CD40: variants seen among roughly 807,000 people sequenced by gnomAD.
CD40 encodes the protein CD40 molecule, also known as tumor necrosis factor receptor superfamily member 5.
In CD40, 19 loss-of-function variants were observed where a neutral mutation model predicts 38.5. The observed-to-expected ratio is 0.49, with a 90% confidence interval of 0.34 to 0.72. The LOEUF (loss-of-function observed/expected upper bound fraction) is 0.72. Ranked by LOEUF, CD40 falls within the 30% of genes least tolerant of loss-of-function variation. The probability of loss-of-function intolerance (pLI) is 0.01; values close to 1 mark genes in which losing one functional copy is unlikely to be tolerated. For missense variants in CD40, 256 were observed against 344.1 expected (o/e 0.74, Z 2.03); for synonymous variants, 130 against 128.7 (o/e 1.01, Z -0.07).
In CD40 at chr20:46,122,326, C is replaced by CACAGAG; in HGVS notation, c.227_228insGAGACA (p.Thr75_His76insGlnArg). Reference sequence around the variant, plus strand: ...TTCCTAGACACCTGGAACAGAGAGACACACTGCCACCAGCACAAATACTGC... The same window carrying CACAGAG: ...TTCCTAGACACCTGGAACAGAGAGACACAGAGACACTGCCACCAGCACAAATACTGC... On this transcript the variant is annotated inframe_insertion, in exon 3 of 9. Coordinates refer to ENST00000372285, the MANE Select transcript of CD40 (RefSeq NM_001250.6). This position sits in a 1 kb window ranked among gnomAD's most constrained non-coding sequence, Gnocchi z 5.0. 1 of 1,614,214 alleles carries CACAGAG rather than the reference C, an allele frequency of 6.2e-7. No homozygotes were observed. The highest frequency in any genetic ancestry group is 8.5e-7 in the Non-Finnish European group (1 of 1,180,042).
intron 5 of CD40, among the ~76,000 whole-genome samples, chr20:46,123,693 C>A (rs538907011): frequency 6.6e-6 from 1 of 152,202 alleles, no homozygotes; most frequent in Non-Finnish European, 1.5e-5. Flanking sequence ...TAGTTTGGGC[C>A]TCATCACTGT....
intron 1 of CD40, among the ~76,000 whole-genome samples, chr20:46,121,269 G>C (rs1206510689): frequency 6.6e-6 from 1 of 152,164 alleles, no homozygotes; most frequent in Non-Finnish European, 1.5e-5. Context: ...TCTGTAAAAT[G>C]AAAGTGTGAG....
At chr20:46,121,500 C>T (rs2085316875) in intron 1 of CD40, among the ~76,000 whole-genome samples, 1 of 152,128 alleles carries the variant, frequency 6.6e-6, no homozygotes, top group Non-Finnish European at 1.5e-5. Context: ...GCTGGAGTCC[C>T]CATATCCTAT....
chr20:46,129,093 A>G lies in CD40; in HGVS notation c.*53A>G, dbSNP rs1422614945. ...CGTGGGCAAACAGGCAGTTGGCCAG[A>G]GAGCCTGGTGCTGCTGCTGCTGTGG... is the stretch of plus-strand genomic sequence containing the variant. On this transcript the variant is annotated 3_prime_UTR_variant, in exon 9 of 9. Coordinates refer to ENST00000372285, the MANE Select transcript of CD40 (RefSeq NM_001250.6). The G allele has an allele frequency of 7.5e-6, 12 of 1,596,718 alleles. No homozygotes were observed. The highest frequency in any genetic ancestry group is 9.4e-6 in the Non-Finnish European group (11 of 1,165,844).
chr20:46,122,178 G>C lies in CD40; in HGVS notation c.131-55G>C. Reference sequence around the variant, plus strand: ...GCCTGGCCTGATCATTGTGTGGTTAGTGTCTGACTCATGGAGTTGGCCAGA... The same window carrying C: ...GCCTGGCCTGATCATTGTGTGGTTACTGTCTGACTCATGGAGTTGGCCAGA... On this transcript the variant is annotated intron_variant, in intron 2 of 8. Transcript: ENST00000372285. This position sits in a 1 kb window ranked among gnomAD's most constrained non-coding sequence, Gnocchi z 5.0. 1 of 1,608,044 alleles carries C rather than the reference G, an allele frequency of 6.2e-7. No homozygotes were observed. The highest frequency in any genetic ancestry group is 8.5e-7 in the Non-Finnish European group (1 of 1,174,540).
Position 46,122,932 on chromosome 20 carries a change from G to C in CD40, c.403+176G>C, listed in dbSNP as rs2085348577. On this transcript the variant is annotated intron_variant, in intron 4 of 8. Coordinates refer to ENST00000372285, the MANE Select transcript of CD40 (RefSeq NM_001250.6). This position sits in a 1 kb window ranked among gnomAD's most constrained non-coding sequence, Gnocchi z 5.0. ...CGGGACCTTGTTCATTCTGCCTTCTGCCATGGGGATCTGCCTTTGAAGGGC... is the reference window on the plus strand; with the variant it reads ...CGGGACCTTGTTCATTCTGCCTTCTCCCATGGGGATCTGCCTTTGAAGGGC... 1 of 937,332 alleles carries C rather than the reference G, an allele frequency of 1.1e-6. No individual in the cohort carries two copies. Among genetic ancestry groups the C allele is most frequent in the African/African-American group, 1.6e-5 (1 of 61,360 alleles). 58.1% of individuals were successfully genotyped at this position (937,332 alleles called of 1,614,324 possible). A position where few individuals can be genotyped will look rare whatever the true frequency, so the allele number is the denominator to read the frequency against.
rs3765457 is a variant in CD40, at chr20:46,128,574, A to G, written c.675+216A>G. 93,111 of 711,102 alleles carry G rather than the reference A, an allele frequency of 0.13. 6,865 individuals carry two copies. The highest frequency in any genetic ancestry group is 0.16 in the Non-Finnish European group (61,973 of 396,700). 44.0% of individuals were successfully genotyped at this position (711,102 alleles called of 1,614,324 possible). A position where few individuals can be genotyped will look rare whatever the true frequency, so the allele number is the denominator to read the frequency against. On this transcript the variant is annotated intron_variant, in intron 8 of 8. Coordinates refer to ENST00000372285, the MANE Select transcript of CD40 (RefSeq NM_001250.6). Reference sequence around the variant, plus strand: ...CCTGGCACCACTGGCAGAGCCTAACACTGGCTGTTCTTCACTCCTTTCCTG... The same window carrying G: ...CCTGGCACCACTGGCAGAGCCTAACGCTGGCTGTTCTTCACTCCTTTCCTG...
At chr20:46,121,055 A>C (rs375428467) in intron 1 of CD40, among the ~76,000 whole-genome samples, 1 of 152,184 alleles carries the variant, frequency 6.6e-6, no homozygotes, top group African/African-American at 2.4e-5. Context: ...ATGGAGCGAG[A>C]CTCTGTCTCA....
chr20:46,121,743 A>G (rs2085321452), intron 1 of CD40, 77 bp from the exon 2 acceptor site: 3 of 1,086,730 alleles, frequency 2.8e-6, no homozygotes, highest in East Asian at 2.4e-5. Context: ...TCTGTCCTGG[A>G]TGACTTTTAC....
chr20:46,126,040 C>T (rs182111191), intron 5 of CD40, among the ~76,000 whole-genome samples: 20 of 152,306 alleles, frequency 1.3e-4, no homozygotes, highest in African/African-American at 4.8e-4. Flanking sequence ...TCTGGAAGAA[C>T]CTTAAACCAG....
rs144466131 is a variant in CD40 at position 46,128,923 on chromosome 20, C to T, written c.717C>T (p.Pro239=). 2.9e-4 allele frequency: 470 copies of T among 1,614,154 alleles called. 1 individual carries two copies. In the African/African-American group the frequency reaches 4.9e-3, roughly 17 times the overall value. The part of the protein sequence containing the change: ...PKQEPQEINF[P]DDLPGSNTAA... ...AGGAACCCCAGGAGATCAATTTTCC[C>T]GACGATCTTCCTGGCTCCAACACTG... is the stretch of plus-strand genomic sequence containing the variant. Residue 239 remains proline, a synonymous_variant, in exon 9 of 9, where the codon CCC becomes CCT. Transcript: ENST00000372285.
intron 5 of CD40, among the ~76,000 whole-genome samples, chr20:46,124,835 C>T (rs1038254624): frequency 7.9e-4 from 106 of 134,060 alleles, no homozygotes; most frequent in African/African-American, 2.9e-3. Flanking sequence ...GGCGCAATCT[C>T]GGCTCACTGC....
At chr20:46,127,602 T>C (rs1035146059) in intron 6 of CD40, among the ~76,000 whole-genome samples, 1 of 152,258 alleles carries the variant, frequency 6.6e-6, no homozygotes, top group African/African-American at 2.4e-5. Flanking sequence ...TTTCATCCCT[T>C]GCCTCACGCT....
At position 46,118,359 on chromosome 20, in the gene CD40, C is replaced by T. The variant is rs1281907367; in HGVS notation, c.16C>T (p.Leu6=). The change falls in exon 1 of 9, where the codon CTG becomes TTG. Residue 6 remains leucine, a synonymous_variant. Transcript: ENST00000372285. MVRLP[L]QCVLWGCLLT... is the part of the protein sequence containing the mutation. The stretch of plus-strand genomic sequence containing the variant: ...TCACCTCGCTATGGTTCGTCTGCCT[C>T]TGCAGTGCGTCCTCTGGGGCTGCTT... 2 of 1,614,112 alleles carry T rather than the reference C, an allele frequency of 1.2e-6. No homozygotes were observed. Among genetic ancestry groups the T allele is most frequent in the Admixed American group, 1.7e-5 (1 of 60,038 alleles).
intron 5 of CD40, among the ~76,000 whole-genome samples, chr20:46,124,688 A>G (rs955206941): frequency 1.4e-5 from 2 of 144,398 alleles, no homozygotes; most frequent in East Asian, 2.1e-4. Flanking sequence ...TACCTGACGC[A>G]TGGTAGGTGC....
chr20:46,128,632 C>T, intron 8 of CD40: 2 of 683,678 alleles, frequency 2.9e-6, no homozygotes, highest in Non-Finnish European at 5.2e-6. Flanking sequence ...CATCTTTGGG[C>T]CTTGGGGCTG....
chr20:46,121,880 T>C lies in CD40; in HGVS notation c.112T>C (p.Cys38Arg). 6.2e-7 allele frequency: 1 copy of C among 1,614,116 alleles called. No individual in the cohort carries two copies. The highest frequency in any genetic ancestry group is 8.5e-7 in the Non-Finnish European group (1 of 1,179,924). The change falls in exon 2 of 9, where the codon TGT becomes CGT. Residue 38 changes from cysteine to arginine, a missense_variant. Physicochemically the swap from Cys to Arg is radical, Grantham distance 180. Transcript: ENST00000372285. ...EKQYLINSQC[C>R]SLCQPGQKLV... ...ACAGTACCTAATAAACAGTCAGTGC[T>C]GTTCTTTGTGCCAGCCAGGTGAGAT...
intron 6 of CD40, chr20:46,127,935 C>T: frequency 1.0e-6 from 1 of 977,198 alleles, no homozygotes; most frequent in Non-Finnish European, 1.5e-6. Context: ...AAAATGTCGG[C>T]AAATATTTCC....
At chr20:46,127,542 C>G (rs1043772647) in intron 6 of CD40, among the ~76,000 whole-genome samples, 17 of 152,132 alleles carry the variant, frequency 1.1e-4, no homozygotes, top group African/African-American at 4.1e-4. Context: ...GAATGTTTAC[C>G]TTGATGACTG....
Sources: gnomAD v4.1 joint callset for allele counts (sites outside exome capture counted in the v4.1 genomes callset) on GRCh38, gnomAD v4.1.1 for gene constraint, Gnocchi (gnomAD v3.1) non-coding constraint, MANE v1.5 for transcripts, NCBI Gene and HGNC (gene_info 2026-07-23, HGNC 2026-07-21) for gene names.